ABTB3: variants seen among roughly 807,000 people sequenced by gnomAD.
ABTB3 encodes the protein ankyrin repeat- and BTB/POZ domain-containing protein 3.
chr12:107,347,784 C>A, the ABTB3 span, among the ~76,000 whole-genome samples: 71 of 152,274 alleles, frequency 4.7e-4, no homozygotes, highest in African/African-American at 1.6e-3. Flanking sequence ...GGGAGAGTCA[C>A]AAGGTCACCC....
the ABTB3 span, among the ~76,000 whole-genome samples, chr12:107,563,358 C>T: frequency 6.6e-6 from 1 of 152,140 alleles, no homozygotes. Flanking sequence ...CTACAAAGTA[C>T]CAGCACTGTT....
the ABTB3 span, among the ~76,000 whole-genome samples, chr12:107,530,252 C>T: frequency 6.6e-6 from 1 of 152,158 alleles, no homozygotes; most frequent in East Asian, 1.9e-4. Flanking sequence ...GGAGTAGGGG[C>T]TCCAAATGAT....
chr12:107,536,103 G>A, the ABTB3 span, among the ~76,000 whole-genome samples: 1 of 152,014 alleles, frequency 6.6e-6, no homozygotes, highest in South Asian at 2.1e-4. Flanking sequence ...CCAGCCAACT[G>A]ATTTTCAACA....
the ABTB3 span, among the ~76,000 whole-genome samples, chr12:107,545,581 A>G: frequency 1.3e-5 from 2 of 152,088 alleles, no homozygotes; most frequent in Non-Finnish European, 2.9e-5. Context: ...CTCAACATCA[A>G]TATTTCAATC....
chr12:107,498,540 C>A, the ABTB3 span, among the ~76,000 whole-genome samples: 3 of 152,146 alleles, frequency 2.0e-5, no homozygotes, highest in African/African-American at 7.2e-5. Flanking sequence ...AATTAGAATC[C>A]ATTTCCATGC....
At chr12:107,643,642 G>A in the ABTB3 span, among the ~76,000 whole-genome samples, 1 of 56,204 alleles carries the variant, frequency 1.8e-5, no homozygotes, top group Non-Finnish European at 4.3e-5. Context: ...TGGAAAGCTG[G>A]GTTCCATGCA....
At chr12:107,461,576 A>ACCCCATTTGTGGGAATTTGTTACGGCAGC in the ABTB3 span, among the ~76,000 whole-genome samples, 1 of 151,972 alleles carries the variant, frequency 6.6e-6, no homozygotes, top group Non-Finnish European at 1.5e-5. Flanking sequence ...GTTTTAAGCC[A>ACCCCATTTGTGGGAATTTGTTACGGCAGC]CCCAGGAAAC....
At chr12:107,516,110 C>A in the ABTB3 span, among the ~76,000 whole-genome samples, 1 of 150,706 alleles carries the variant, frequency 6.6e-6, no homozygotes, top group African/African-American at 2.4e-5. Context: ...GAGTCACAGT[C>A]AAAAATATTT....
chr12:107,369,251 CACTT>C, the ABTB3 span, among the ~76,000 whole-genome samples: 1 of 152,040 alleles, frequency 6.6e-6, no homozygotes, highest in South Asian at 2.1e-4. Context: ...GTTTTTCATC[CACTT>C]AGAGTCTACT....
chr12:107,333,979 G>A, the ABTB3 span, among the ~76,000 whole-genome samples: 1 of 152,206 alleles, frequency 6.6e-6, no homozygotes, highest in Non-Finnish European at 1.5e-5. Context: ...GTATCTGGGA[G>A]AAAACTGTTT....
the ABTB3 span, among the ~76,000 whole-genome samples, chr12:107,556,583 G>A: frequency 6.6e-6 from 1 of 152,242 alleles, no homozygotes; most frequent in African/African-American, 2.4e-5. Context: ...GAGGGCAGAA[G>A]AGTCTGTGTG....
the ABTB3 span, chr12:107,319,352 C>G: frequency 6.4e-7 from 1 of 1,557,286 alleles, no homozygotes; most frequent in South Asian, 1.2e-5. Flanking sequence ...GCTGGTGAGC[C>G]GGGCGCTGGT....
At chr12:107,635,525 G>T in the ABTB3 span, 5 of 635,898 alleles carry the variant, frequency 7.9e-6, no homozygotes, top group Non-Finnish European at 1.3e-5. Flanking sequence ...CAGGCCGGGG[G>T]AGATCAGAAT....
the ABTB3 span, among the ~76,000 whole-genome samples, chr12:107,529,444 A>G: frequency 4.0e-5 from 6 of 150,850 alleles, no homozygotes; most frequent in African/African-American, 1.5e-4. Context: ...ACATGATGGC[A>G]ATGATGATGG....
the ABTB3 span, among the ~76,000 whole-genome samples, chr12:107,386,687 T>A: frequency 6.6e-6 from 1 of 152,164 alleles, no homozygotes. Flanking sequence ...ATCATTCCCT[T>A]GGCCTTTGTT....
At chr12:107,482,907 T>TC in the ABTB3 span, among the ~76,000 whole-genome samples, 36 of 139,552 alleles carry the variant, frequency 2.6e-4, no homozygotes, top group East Asian at 1.6e-3. Flanking sequence ...TCTCTCTCTC[T>TC]TTCTTCTTCT....
the ABTB3 span, among the ~76,000 whole-genome samples, chr12:107,385,109 G>C: frequency 6.6e-6 from 1 of 152,204 alleles, no homozygotes; most frequent in Non-Finnish European, 1.5e-5. Flanking sequence ...GCCCGATCTA[G>C]CTTTTTCTTT....
the ABTB3 span, among the ~76,000 whole-genome samples, chr12:107,408,071 T>C: frequency 6.6e-6 from 1 of 151,948 alleles, no homozygotes; most frequent in Non-Finnish European, 1.5e-5. Context: ...CCAAATATGA[T>C]AAACGGTCTC....
At chr12:107,499,514 C>T in the ABTB3 span, among the ~76,000 whole-genome samples, 1 of 152,046 alleles carries the variant, frequency 6.6e-6, no homozygotes, top group Non-Finnish European at 1.5e-5. Context: ...TCTGTTTTCA[C>T]ACTGCTATAA....
Sources: allele counts gnomAD v4.1 joint callset (sites outside exome capture counted in the v4.1 genomes callset), GRCh38; gene constraint gnomAD v4.1.1; transcripts MANE v1.5; gene names NCBI Gene and HGNC (gene_info 2026-07-23, HGNC 2026-07-21).